COL19A1: variants seen among roughly 807,000 people sequenced by gnomAD.
The protein encoded by COL19A1 is collagen alpha-1(XIX) chain.
COL19A1 carries 159 observed loss-of-function variants against 190.2 expected under a neutral mutation model. The observed-to-expected ratio is 0.84, with a 90% CI of 0.73 to 0.95. The LOEUF is 0.95. COL19A1 is among the 40% of genes least tolerant of loss of function. COL19A1 has a pLI of 0.00. For synonymous variants in COL19A1, 509 were observed against 458.9 expected, an observed-to-expected ratio of 1.11 and a Z score of -1.39; for missense variants, 1,418 against 1,431.9, an observed-to-expected ratio of 0.99 and a Z score of 0.16.
chr6:69,990,977 A>G (rs764990213), intron 11 of COL19A1, among the ~76,000 whole-genome samples: 5 of 151,900 alleles, frequency 3.3e-5, no homozygotes, highest in Non-Finnish European at 7.4e-5. Context: ...TGGTGTACAG[A>G]TTATTTTGTG....
chr6:69,973,001 T>C lies in COL19A1; in HGVS notation c.1026+10131T>C, dbSNP rs544481733. Among the ~76,000 whole-genome samples the C allele has an allele frequency of 3.9e-5, 6 of 152,342 alleles. No individual in the cohort carries two copies. The East Asian group carries it at 9.6e-4, about 24-fold the overall frequency. The stretch of plus-strand genomic sequence containing the variant: ...GTTAAGGAAATTTATTCACTCAATA[T>C]TTTATGTAATTTAAGTACAAATAAA... On this transcript the variant is annotated intron_variant, in intron 11 of 50. Transcript: ENST00000620364.
chr6:69,924,036 A>G (rs1183318024), intron 4 of COL19A1, among the ~76,000 whole-genome samples: 1 of 152,224 alleles, frequency 6.6e-6, no homozygotes, highest in African/African-American at 2.4e-5. Flanking sequence ...ACCAACGGCA[A>G]ACCATTGACA....
At chr6:70,157,966 A>C (rs1447601115) in intron 34 of COL19A1, among the ~76,000 whole-genome samples, 1 of 152,120 alleles carries the variant, frequency 6.6e-6, no homozygotes, top group Non-Finnish European at 1.5e-5. Context: ...GGTGAACTGA[A>C]ATCCATTGCT....
intron 4 of COL19A1, among the ~76,000 whole-genome samples, chr6:69,926,416 G>T (rs1772400530): frequency 1.3e-5 from 2 of 152,052 alleles, no homozygotes; most frequent in Non-Finnish European, 2.9e-5. Context: ...GTATGAGAAT[G>T]ATGTCTTACC....
chr6:69,991,641 G>C (rs768809664), intron 11 of COL19A1, among the ~76,000 whole-genome samples: 1 of 151,982 alleles, frequency 6.6e-6, no homozygotes, highest in Non-Finnish European at 1.5e-5. Context: ...ATGATGAGTG[G>C]TGTTGAGCAT....
chr6:70,194,377 C>T (rs768549778), intron 48 of COL19A1, among the ~76,000 whole-genome samples: 3 of 152,144 alleles, frequency 2.0e-5, no homozygotes, highest in Non-Finnish European at 2.9e-5. Context: ...ATCTATTTTC[C>T]AGGCCACCTA....
At chr6:69,964,098 GTCTTGCCTGTATTTTGCTT>G (rs1163990439) in intron 11 of COL19A1, among the ~76,000 whole-genome samples, 1 of 152,324 alleles carries the variant, frequency 6.6e-6, no homozygotes, top group East Asian at 1.9e-4. Flanking sequence ...AAATTGGACA[GTCTTGCCTGTATTTTGCTT>G]TCTTGCCAGT....
intron 9 of COL19A1, among the ~76,000 whole-genome samples, chr6:69,958,268 G>A (rs763968367): frequency 8.5e-5 from 13 of 152,092 alleles, no homozygotes; most frequent in African/African-American, 1.2e-4. Flanking sequence ...AGTGTATACC[G>A]TATTGGCGTA....
chr6:69,965,667 A>T (rs571690007), intron 11 of COL19A1, among the ~76,000 whole-genome samples: 4 of 152,216 alleles, frequency 2.6e-5, no homozygotes, highest in Non-Finnish European at 5.9e-5. Context: ...AAGTTATTTT[A>T]AGGGGTAGTA....
chr6:70,197,381 C>T (rs1192903911), intron 48 of COL19A1, among the ~76,000 whole-genome samples: 2 of 151,874 alleles, frequency 1.3e-5, no homozygotes, highest in Admixed American at 1.3e-4. Flanking sequence ...TGAGATCACG[C>T]CACTGCACTC....
At chr6:70,064,455 G>C (rs1175177988) in intron 14 of COL19A1, among the ~76,000 whole-genome samples, 1 of 152,070 alleles carries the variant, frequency 6.6e-6, no homozygotes, top group Non-Finnish European at 1.5e-5. Context: ...TTGATGGGAC[G>C]TATCTCAAAA....
chr6:70,099,406 G>A (rs1331920317), intron 15 of COL19A1, among the ~76,000 whole-genome samples: 2 of 152,114 alleles, frequency 1.3e-5, no homozygotes, highest in East Asian at 1.9e-4. Context: ...TTTGTTTTAT[G>A]CACAAAATTA....
At chr6:70,138,576 T>G (rs1010336735) in intron 19 of COL19A1, among the ~76,000 whole-genome samples, 2 of 152,146 alleles carry the variant, frequency 1.3e-5, no homozygotes, top group Admixed American at 1.3e-4. Context: ...GGATATTGGT[T>G]TATCAGGGGA....
At chr6:69,965,167 A>C (rs540452129) in intron 11 of COL19A1, among the ~76,000 whole-genome samples, 4 of 152,190 alleles carry the variant, frequency 2.6e-5, no homozygotes, top group Admixed American at 1.3e-4. Context: ...TTTTTTAAAA[A>C]CCCACTTTCT....
At chr6:69,967,365 T>C (rs938006803) in intron 11 of COL19A1, among the ~76,000 whole-genome samples, 5 of 152,160 alleles carry the variant, frequency 3.3e-5, no homozygotes, top group African/African-American at 1.2e-4. Flanking sequence ...AAATGAGCAC[T>C]TCTTCGTGAA....
intron 11 of COL19A1, among the ~76,000 whole-genome samples, chr6:69,972,926 A>G (rs562336459): frequency 2.8e-4 from 43 of 152,256 alleles, no homozygotes; most frequent in Admixed American, 5.2e-4. Flanking sequence ...TTACTTTCCA[A>G]TTACAGTGGA....
chr6:70,162,075 C>T, intron 35 of COL19A1, 122 bp downstream of exon 35: 1 of 832,178 alleles, frequency 1.2e-6, no homozygotes, highest in Non-Finnish European at 1.8e-6. Flanking sequence ...CAGATATTGC[C>T]TGGAAAAGTA....
chr6:70,199,892 T>A, intron 49 of COL19A1, 156 bp downstream of exon 49: 1 of 694,494 alleles, frequency 1.4e-6, no homozygotes, highest in Non-Finnish European at 2.3e-6. Flanking sequence ...TCATATGTAA[T>A]CTCTTTATAA....
At position 70,161,829 on chromosome 6, in the gene COL19A1, A is replaced by G. The variant is rs2150259685; in HGVS notation, c.2293-71A>G. The G allele has an allele frequency of 4.0e-6, 5 of 1,260,302 alleles. No individual in the cohort carries two copies. The South Asian group carries it at 7.3e-5, about 18-fold the overall frequency. 78.1% of individuals were successfully genotyped at this position (1,260,302 alleles called of 1,614,324 possible). A position where few individuals can be genotyped will look rare whatever the true frequency, so the allele number is the denominator to read the frequency against. On this transcript the variant is annotated intron_variant, in intron 34 of 50. Coordinates refer to ENST00000620364, the MANE Select transcript of COL19A1 (RefSeq NM_001858.6). Reference sequence around the variant, plus strand: ...AAGTGTTTAATGTTCAATGGTCAAAATATTTGATTAACTAAAATGCCTTCT... The same window carrying G: ...AAGTGTTTAATGTTCAATGGTCAAAGTATTTGATTAACTAAAATGCCTTCT...
Sources: gnomAD v4.1 joint callset for allele counts (sites outside exome capture counted in the v4.1 genomes callset) on GRCh38, gnomAD v4.1.1 for gene constraint, MANE v1.5 for transcripts, NCBI Gene and HGNC (gene_info 2026-07-23, HGNC 2026-07-21) for gene names.